The following SLC13A3 variants were observed in gnomAD, a reference collection of about 807,000 sequenced individuals.
The protein encoded by SLC13A3 is Na(+)/dicarboxylate cotransporter 3.
In SLC13A3, 40 loss-of-function variants were observed where a neutral mutation model predicts 59.0. The ratio of observed to expected loss-of-function variants is 0.68; its 90% CI spans 0.53 to 0.88. SLC13A3 has a LOEUF of 0.88. SLC13A3 is among the 40% of genes least tolerant of loss of function. The pLI, the probability that SLC13A3 is intolerant of heterozygous loss-of-function variation, is 0.00. For synonymous variants in SLC13A3, 317 were observed against 330.3 expected, an observed-to-expected ratio of 0.96 and a Z score of 0.44; for missense variants, 699 against 783.2, an observed-to-expected ratio of 0.89 and a Z score of 1.28.
intron 1 of SLC13A3, chr20:46,676,162 G>A (rs2122943473): frequency 6.6e-6 from 1 of 152,248 alleles, no homozygotes; most frequent in Non-Finnish European, 1.5e-5. Flanking sequence ...ACCCACCTCG[G>A]CCTTCCAAAG....
chr20:46,626,229 C>T (rs2062670116), intron 1 of SLC13A3, among the ~76,000 whole-genome samples: 1 of 149,408 alleles, frequency 6.7e-6, no homozygotes, highest in Non-Finnish European at 1.5e-5. Context: ...TCTCCCTCCC[C>T]CTCCTTTTCT....
upstream of SLC13A3, among the ~76,000 whole-genome samples, chr20:46,673,464 G>T (rs545525620): frequency 1.3e-5 from 2 of 152,148 alleles, no homozygotes; most frequent in South Asian, 4.2e-4. Context: ...TCTGCTCCTT[G>T]AGCATAGCAA....
intron 3 of SLC13A3, chr20:46,608,633 G>A (rs2062460392): frequency 5.6e-6 from 2 of 356,246 alleles, no homozygotes; most frequent in African/African-American, 2.0e-5. Context: ...AAAATAAGCA[G>A]GACCCCTTAG....
At chr20:46,626,735 C>T (rs1227756954) in intron 1 of SLC13A3, among the ~76,000 whole-genome samples, 5 of 152,162 alleles carry the variant, frequency 3.3e-5, no homozygotes, top group Non-Finnish European at 7.3e-5. Flanking sequence ...AACTAACTTC[C>T]AGAGAGCAAA....
intron 9 of SLC13A3, among the ~76,000 whole-genome samples, chr20:46,579,281 C>T (rs1010758844): frequency 6.6e-6 from 1 of 152,122 alleles, no homozygotes; most frequent in Non-Finnish European, 1.5e-5. Flanking sequence ...GTGTGTGCCA[C>T]CACACAGGCT....
chr20:46,648,134 G>A (rs1389379664), intron 1 of SLC13A3, among the ~76,000 whole-genome samples: 1 of 152,146 alleles, frequency 6.6e-6, no homozygotes, highest in African/African-American at 2.4e-5. Context: ...AAGATGACCA[G>A]AATTGTCTTG....
intron 1 of SLC13A3, among the ~76,000 whole-genome samples, chr20:46,644,196 G>A (rs1450217459): frequency 6.6e-6 from 1 of 152,072 alleles, no homozygotes; most frequent in Non-Finnish European, 1.5e-5. Context: ...CCTTTTTGTG[G>A]GGGTTAAACT....
At chr20:46,601,388 C>T in intron 3 of SLC13A3, among the ~76,000 whole-genome samples, 1 of 152,072 alleles carries the variant, frequency 6.6e-6, no homozygotes, top group East Asian at 1.9e-4. Flanking sequence ...GGATGTGTTT[C>T]AGTTCTTTTG....
At chr20:46,596,992 G>A (rs897538000) in intron 4 of SLC13A3, among the ~76,000 whole-genome samples, 6 of 152,186 alleles carry the variant, frequency 3.9e-5, no homozygotes, top group African/African-American at 1.4e-4. Context: ...GTTTGAGGCT[G>A]TAGTGAACTT....
intron 3 of SLC13A3, chr20:46,609,127 A>C: frequency 6.7e-7 from 1 of 1,482,330 alleles, no homozygotes; most frequent in Non-Finnish European, 9.0e-7. Flanking sequence ...GTATCAATTC[A>C]AATCTTCCTT....
Position 46,610,485 on chromosome 20 carries a change from C to T in SLC13A3, c.502G>A (p.Val168Ile). Reference protein sequence around the residue: ...ILKSLFGQKEVRKDPSQESEE... With the variant: ...ILKSLFGQKEIRKDPSQESEE... ...CTCTCCTGGCTGGGGTCCTTTCGAA[C>T]CTCCTTCTGGCCAAAGAGACTTTTC... is the stretch of plus-strand genomic sequence containing the variant. The change falls in exon 3 of 13, where the codon GTT becomes ATT. Residue 168 changes from valine (V) to isoleucine (I), a missense_variant. Val to Ile is a conservative substitution (Grantham distance 29). Coordinates refer to ENST00000279027, the MANE Select transcript of SLC13A3 (RefSeq NM_022829.6). The T allele has an allele frequency of 1.2e-6, 2 of 1,614,092 alleles. No individual in the cohort carries two copies. The highest frequency in any genetic ancestry group is 1.7e-6 in the Non-Finnish European group (2 of 1,180,006).
At chr20:46,638,783 G>A (rs1219027506) in intron 1 of SLC13A3, among the ~76,000 whole-genome samples, 2 of 152,156 alleles carry the variant, frequency 1.3e-5, no homozygotes, top group Non-Finnish European at 2.9e-5. Flanking sequence ...CTCAGCCTTG[G>A]CACCGCGGAC....
At chr20:46,616,180 A>T (rs1402892304) in intron 1 of SLC13A3, among the ~76,000 whole-genome samples, 2 of 152,208 alleles carry the variant, frequency 1.3e-5, no homozygotes, top group African/African-American at 4.8e-5. Context: ...CAGAGGTAAG[A>T]TATCTTTGAG....
intron 1 of SLC13A3, among the ~76,000 whole-genome samples, chr20:46,662,603 A>G (rs2063037901): frequency 6.6e-6 from 1 of 152,250 alleles, no homozygotes; most frequent in Non-Finnish European, 1.5e-5. Flanking sequence ...AAAAGGAACT[A>G]AGCACACTGC....
intron 4 of SLC13A3, 67 bp from the exon 5 acceptor site, chr20:46,596,409 T>G (rs543757243): frequency 6.9e-7 from 1 of 1,444,980 alleles, no homozygotes; most frequent in Middle Eastern, 1.9e-4. Context: ...TGCCTGGGAG[T>G]TGGGGAGCTA....
chr20:46,613,431 G>A (rs1568937022), intron 2 of SLC13A3, 29 bp downstream of exon 2: 2 of 1,541,000 alleles, frequency 1.3e-6, no homozygotes, highest in African/African-American at 1.4e-5. Flanking sequence ...CCTCTCCGCT[G>A]TAGGGCTGGA....
chr20:46,560,115 C>T lies in SLC13A3; in HGVS notation c.1716G>A (p.Gln572=), dbSNP rs1250781651. ...AMNTWAQTIF[Q]LGTFPDWADM... ...CAGCCCAGTCCGGGAAGGTGCCCAG[C>T]TGGAAGATGGTCTGTGCCCAGGTAT... is the stretch of plus-strand genomic sequence containing the variant. Residue 572 remains glutamine, a synonymous_variant, in exon 13 of 13, where the codon CAG becomes CAA. Transcript: ENST00000279027. The T allele has an allele frequency of 1.9e-6, 3 of 1,614,166 alleles. No homozygotes were observed.
At chr20:46,680,921 A>G (rs1026787560) in intron 1 of SLC13A3, among the ~76,000 whole-genome samples, 1 of 152,228 alleles carries the variant, frequency 6.6e-6, no homozygotes. Context: ...TCCATTTTAC[A>G]GATGAGGACA....
At chr20:46,561,052 C>A (rs1432700461) in intron 12 of SLC13A3, among the ~76,000 whole-genome samples, 1 of 152,168 alleles carries the variant, frequency 6.6e-6, no homozygotes, top group African/African-American at 2.4e-5. Flanking sequence ...CTACTTAGGG[C>A]CAACCTGTCT....
Sources: gnomAD v4.1 joint callset for allele counts (sites outside exome capture counted in the v4.1 genomes callset) on GRCh38, gnomAD v4.1.1 for gene constraint, MANE v1.5 for transcripts, NCBI Gene and HGNC (gene_info 2026-07-23, HGNC 2026-07-21) for gene names.